The following RYR1 variants were observed in gnomAD, a reference collection of about 807,000 sequenced individuals.
RYR1 encodes the protein central core disease of muscle.
Under a neutral mutation model 583.5 loss-of-function variants are expected in RYR1, and 342 were observed. The ratio of observed to expected loss-of-function variants is 0.59; its 90% CI spans 0.54 to 0.64. The LOEUF is 0.64. Ranked by LOEUF, RYR1 falls within the 30% of genes least tolerant of loss-of-function variation. The pLI, the probability that RYR1 is intolerant of heterozygous loss-of-function variation, is 0.00. For synonymous variants in RYR1, 2,791 were observed against 2,822.5 expected, an observed-to-expected ratio of 0.99 and a Z score of 0.35; for missense variants, 6,032 against 6,917.2, an observed-to-expected ratio of 0.87 and a Z score of 4.54.
At chr19:38,433,951 C>A in intron 1 of RYR1, 77 bp downstream of exon 1, 1 of 1,310,624 alleles carries the variant, frequency 7.6e-7, no homozygotes, top group Non-Finnish European at 1.1e-6. Context: ...CTGAATGTCC[C>A]TGTCCGGCTT....
At chr19:38,557,051 C>CTTTTTTTTT (rs35027525) in intron 89 of RYR1, among the ~76,000 whole-genome samples, 25 of 108,832 alleles carry the variant, frequency 2.3e-4, no homozygotes, top group South Asian at 5.8e-4. Context: ...AGTCTCATTT[C>CTTTTTTTTT]TTTTTTTTTT....
intron 2 of RYR1, among the ~76,000 whole-genome samples, chr19:38,441,651 C>T (rs2145325851): frequency 7.4e-6 from 1 of 135,490 alleles, no homozygotes; most frequent in East Asian, 2.1e-4. Context: ...AGACTGGGGG[C>T]TGAGAGGTGG....
chr19:38,500,127 T>A lies in RYR1; in HGVS notation c.7323+111T>A. On this transcript the variant is annotated intron_variant, in intron 45 of 105. Transcript: ENST00000359596. This position sits in a 1 kb window ranked among gnomAD's most constrained non-coding sequence, Gnocchi z 5.9. ...GTGAGCTCCCATATGTGGGTGGTCC[T>A]GGACTAGCAATGTTGGGGACACAAC... The A allele has an allele frequency of 1.1e-6, 1 of 946,826 alleles. No homozygotes were observed. The highest frequency in any genetic ancestry group is 1.7e-6 in the Non-Finnish European group (1 of 604,220). The allele number at this position is 946,826 out of a possible 1,614,324, so 58.7% of individuals were successfully genotyped here.
At position 38,504,767 on chromosome 19, in the gene RYR1, A is replaced by G; in HGVS notation, c.8087A>G (p.Tyr2696Cys). The change falls in exon 51 of 106, where the codon TAC becomes TGC. Residue 2696 changes from tyrosine to cysteine, a missense_variant. Physicochemically the swap from Tyr to Cys is radical, Grantham distance 194. Coordinates refer to ENST00000359596, the MANE Select transcript of RYR1 (RefSeq NM_000540.3). ...LAHKKYDPEL[Y>C]RMAMPCLCAI... ...TCCCAGAAATACGACCCGGAGCTGTACCGCATGGCCATGCCTTGTCTGTGC... is the reference window on the plus strand; with the variant it reads ...TCCCAGAAATACGACCCGGAGCTGTGCCGCATGGCCATGCCTTGTCTGTGC... The G allele has an allele frequency of 6.2e-7, 1 of 1,614,146 alleles. No individual in the cohort carries two copies. The highest frequency in any genetic ancestry group is 1.1e-5 in the South Asian group (1 of 91,078).
At chr19:38,451,692 C>A in intron 11 of RYR1, 72 bp from the exon 12 acceptor site, 1 of 1,596,178 alleles carries the variant, frequency 6.3e-7, no homozygotes, top group Non-Finnish European at 8.6e-7. Flanking sequence ...GAACTCAAGT[C>A]TAGACAGACG....
intron 90 of RYR1, among the ~76,000 whole-genome samples, chr19:38,562,138 A>T (rs1296449091): frequency 2.6e-5 from 4 of 151,774 alleles, no homozygotes; most frequent in Non-Finnish European, 5.9e-5. Flanking sequence ...ACTTGCCCTC[A>T]CTGTAGCCCT....
Position 38,483,911 on chromosome 19 carries a change from T to C in RYR1, c.4934+395T>C, listed in dbSNP as rs1969143892. On this transcript the variant is annotated intron_variant, in intron 33 of 105. Transcript: ENST00000359596. This position sits in a 1 kb window ranked among gnomAD's most constrained non-coding sequence, Gnocchi z 6.3. Reference sequence around the variant, plus strand: ...GGAGGCTTGGATGCACCCTAGAGTCTCTTGGGCATATGCAGGGAGGCTTTA... The same window carrying C: ...GGAGGCTTGGATGCACCCTAGAGTCCCTTGGGCATATGCAGGGAGGCTTTA... Among the ~76,000 whole-genome samples the C allele has an allele frequency of 2.0e-5, 3 of 151,874 alleles. No homozygotes were observed. The highest frequency in any genetic ancestry group is 2.0e-4 in the Admixed American group (3 of 15,244).
At chr19:38,573,065 A>G in intron 95 of RYR1, 112 bp from the exon 96 acceptor site, 1 of 1,543,756 alleles carries the variant, frequency 6.5e-7, no homozygotes, top group Non-Finnish European at 8.9e-7. Flanking sequence ...CTGGGAAAGC[A>G]CTTCTGATGT....
chr19:38,584,085 G>T (rs1974337316), intron 101 of RYR1, among the ~76,000 whole-genome samples: 2 of 151,862 alleles, frequency 1.3e-5, no homozygotes. Flanking sequence ...GCTCACACCT[G>T]CCTCCTCTTC....
chr19:38,452,999 C>A lies in RYR1; in HGVS notation c.1425C>A (p.Ser475Arg), dbSNP rs777385962. The change falls in exon 13 of 106, where the codon AGC becomes AGA. Residue 475 changes from serine to arginine, a missense_variant. Coordinates refer to ENST00000359596, the MANE Select transcript of RYR1 (RefSeq NM_000540.3). ...TGCGAAGCCTGCGCAACCGCCAGAG[C>A]CTCTTCCAGGAGGAGGTGAGGACGT... is the stretch of plus-strand genomic sequence containing the variant. ...SKLRSLRNRQ[S>R]LFQEEGMLSM... 1.2e-6 allele frequency: 2 copies of A among 1,613,820 alleles called. No individual in the cohort carries two copies. Among genetic ancestry groups the A allele is most frequent in the Admixed American group, 1.7e-5 (1 of 60,020 alleles).
intron 16 of RYR1, among the ~76,000 whole-genome samples, chr19:38,457,283 ACCCT>A (rs1315615595): frequency 6.6e-6 from 1 of 151,146 alleles, no homozygotes; most frequent in Non-Finnish European, 1.5e-5. Context: ...AACTCATGTG[ACCCT>A]CCCTCAGCCT....
chr19:38,547,187 C>T (rs994980727), intron 88 of RYR1, among the ~76,000 whole-genome samples: 3 of 150,722 alleles, frequency 2.0e-5, no homozygotes. Flanking sequence ...TACAGGCGCC[C>T]GCCACCACAC....
intron 39 of RYR1, among the ~76,000 whole-genome samples, chr19:38,495,464 G>A (rs889382437): frequency 2.0e-5 from 3 of 152,158 alleles, no homozygotes; most frequent in African/African-American, 7.2e-5. Context: ...TCCTGCCTCA[G>A]TCTCCTGAGT....
intron 95 of RYR1, among the ~76,000 whole-genome samples, chr19:38,572,871 A>C (rs1599650565): frequency 2.9e-5 from 3 of 102,122 alleles, no homozygotes; most frequent in Non-Finnish European, 5.9e-5. Context: ...TGTGCCCCCC[A>C]ATTCCAGCCC....
rs1971428958 is a variant in RYR1, at chr19:38,525,501, T to C, written c.10625T>C (p.Leu3542Pro). Residue 3542 changes from leucine to proline, a missense_variant and splice_region_variant, in exon 71 of 106, where the codon CTG (leucine) becomes CCG (proline). Coordinates refer to ENST00000359596, the MANE Select transcript of RYR1 (RefSeq NM_000540.3). ...LITLAKTRYA[L>P]KDTDEEVREF... is the part of the protein sequence containing the mutation. ...ACGCTGGCCAAGACCCGTTACGCCCTGGTGCCTGCCCAGCCCCGTCCTCGG... is the reference window on the plus strand; with the variant it reads ...ACGCTGGCCAAGACCCGTTACGCCCCGGTGCCTGCCCAGCCCCGTCCTCGG... 4.3e-6 allele frequency: 7 copies of C among 1,613,612 alleles called. No homozygotes were observed. Among genetic ancestry groups the C allele is most frequent in the Non-Finnish European group, 5.9e-6 (7 of 1,179,870 alleles).
At position 38,572,190 on chromosome 19, in the gene RYR1, A is replaced by G. The variant is rs756850145; in HGVS notation, c.13918A>G (p.Met4640Val). 1 of 1,613,962 alleles carries G rather than the reference A, an allele frequency of 6.2e-7. No individual in the cohort carries two copies. The highest frequency in any genetic ancestry group is 8.5e-7 in the Non-Finnish European group (1 of 1,179,954). ...YYFLEESTGY[M>V]EPALRCLSLL... ...CTTCCTGGAGGAAAGCACAGGCTACATGGAACCCGCCCTGCGGTGTCTGAG... is the reference window on the plus strand; with the variant it reads ...CTTCCTGGAGGAAAGCACAGGCTACGTGGAACCCGCCCTGCGGTGTCTGAG... Residue 4640 changes from methionine (M) to valine (V), a missense_variant, in exon 95 of 106, where the codon ATG (methionine) becomes GTG (valine). This residue lies in a region of RYR1 where 188 missense variants were observed against 215.6 expected (regional missense o/e 0.87). Coordinates refer to ENST00000359596, the MANE Select transcript of RYR1 (RefSeq NM_000540.3).
At chr19:38,560,172 T>C (rs962419444) in intron 89 of RYR1, among the ~76,000 whole-genome samples, 1 of 152,046 alleles carries the variant, frequency 6.6e-6, no homozygotes, top group Non-Finnish European at 1.5e-5. Flanking sequence ...GGGACAAGCC[T>C]GGGCAACATG....
chr19:38,471,475 A>G (rs1191475303), intron 27 of RYR1, among the ~76,000 whole-genome samples: 20 of 152,230 alleles, frequency 1.3e-4, no homozygotes, highest in Non-Finnish European at 2.1e-4. Flanking sequence ...GGCTGCAGTG[A>G]GCCGTGGTTG....
chr19:38,490,153 C>T lies in RYR1; in HGVS notation c.5892C>T (p.Arg1964=). Residue 1964 remains arginine (R), a synonymous_variant, in exon 36 of 106, where the codon CGC becomes CGT. Coordinates refer to ENST00000359596, the MANE Select transcript of RYR1 (RefSeq NM_000540.3). ...AGTCCCTGGCAGCCTTTGCGGAGCGCTATGTGGACAAGCTCCAGGCCAACC... is the reference window on the plus strand; with the variant it reads ...AGTCCCTGGCAGCCTTTGCGGAGCGTTATGTGGACAAGCTCCAGGCCAACC... The part of the protein sequence containing the change: ...RVESLAAFAE[R]YVDKLQANQR... 6.2e-7 allele frequency: 1 copy of T among 1,614,254 alleles called. No homozygotes were observed. The highest frequency in any genetic ancestry group is 8.5e-7 in the Non-Finnish European group (1 of 1,180,044).
Sources: gnomAD v4.1 joint callset for allele counts (sites outside exome capture counted in the v4.1 genomes callset) on GRCh38, gnomAD v4.1.1 for gene constraint, gnomAD v4.1.1 regional missense constraint, Gnocchi (gnomAD v3.1) non-coding constraint, MANE v1.5 for transcripts, NCBI Gene and HGNC (gene_info 2026-07-23, HGNC 2026-07-21) for gene names.